Variants in MICU2 observed in about 807,000 individuals in gnomAD.
MICU2 encodes the protein calcium uptake protein 2, mitochondrial.
Under a neutral mutation model 60.4 loss-of-function variants are expected in MICU2, and 64 were observed. That is an observed-to-expected ratio of 1.06 (90% CI 0.87 to 1.31). The LOEUF is 1.31. MICU2 is among the 50% of genes most tolerant of loss of function. The pLI is 0.00. For synonymous variants in MICU2, 201 were observed against 175.0 expected (o/e 1.15, Z -1.17); for missense variants, 569 against 531.0 (o/e 1.07, Z -0.70).
chr13:21,549,218 C>T (rs1376361373), intron 2 of MICU2, among the ~76,000 whole-genome samples: 7 of 152,096 alleles, frequency 4.6e-5, no homozygotes, highest in African/African-American at 9.7e-5. Flanking sequence ...CGTGAGCTAG[C>T]GTGCCCAGCT....
chr13:21,587,484 G>GA (rs1461124009), intron 1 of MICU2, among the ~76,000 whole-genome samples: 1 of 152,152 alleles, frequency 6.6e-6, no homozygotes, highest in Non-Finnish European at 1.5e-5. Context: ...TGTTATTTGT[G>GA]AAAAAAGTGC....
At chr13:21,524,407 C>T (rs931842423) in intron 4 of MICU2, among the ~76,000 whole-genome samples, 3 of 151,998 alleles carry the variant, frequency 2.0e-5, no homozygotes, top group African/African-American at 7.2e-5. Flanking sequence ...GTAAAAAATT[C>T]AGCCTGTATA....
rs1461962308 is a variant in MICU2 at position 21,494,234 on chromosome 13, TTC to T, written c.1201-883_1201-882del. Among the ~76,000 whole-genome samples the T allele has an allele frequency of 2.6e-5, 4 of 152,218 alleles. No individual in the cohort carries two copies. The East Asian group carries it at 7.7e-4, about 29-fold the overall frequency. ...TTTGTTGCAGGAAATGGAATTGCTT[TTC>T]TAAGTTGTAAATAGCTTTATTTTCA... On this transcript the variant is annotated intron_variant, in intron 11 of 11. Transcript: ENST00000382374.
rs112775230 is a variant in MICU2 at position 21,571,094 on chromosome 13, T to C, written c.211-4150A>G. ...TTTCTCTTCCCTCTTAGGTTTCAGGTTGCTTTTTTTTTGTTGCTGCTATTT... is the reference window on the plus strand; with the variant it reads ...TTTCTCTTCCCTCTTAGGTTTCAGGCTGCTTTTTTTTTGTTGCTGCTATTT... On this transcript the variant is annotated intron_variant, in intron 1 of 11. Coordinates refer to ENST00000382374, the MANE Select transcript of MICU2 (RefSeq NM_152726.3). 7.9e-5 allele frequency among the ~76,000 whole-genome samples: 12 copies of C among 152,194 alleles called. 1 individual carries two copies. Among genetic ancestry groups the C allele is most frequent in the African/African-American group, 2.9e-4 (12 of 41,480 alleles).
intron 4 of MICU2, among the ~76,000 whole-genome samples, chr13:21,526,013 C>T (rs1046526525): frequency 1.2e-4 from 18 of 151,786 alleles, no homozygotes; most frequent in African/African-American, 3.6e-4. Flanking sequence ...TGGTTCACTG[C>T]AGCCTTGACC....
In MICU2 at chr13:21,603,467, A is replaced by G. The variant is rs145717692; in HGVS notation, c.210+472T>C. On this transcript the variant is annotated intron_variant, in intron 1 of 11. Transcript: ENST00000382374. ...GCAATCGACAGAACTTCATCATGCT[A>G]TACAAAGAAAAGATCGTAAAACTTA... The G allele has an allele frequency of 1.9e-4, 31 of 163,362 alleles. No homozygotes were observed. The East Asian group carries it at 5.4e-3, about 29-fold the overall frequency. 10.1% of individuals were successfully genotyped at this position (163,362 alleles called of 1,614,324 possible).
At chr13:21,548,855 G>A (rs994499131) in intron 2 of MICU2, among the ~76,000 whole-genome samples, 1 of 151,662 alleles carries the variant, frequency 6.6e-6, no homozygotes. Flanking sequence ...GGATTCTATC[G>A]CCGTATCTCA....
chr13:21,509,934 A>G, intron 8 of MICU2, 70 bp downstream of exon 8: 1 of 859,536 alleles, frequency 1.2e-6, no homozygotes, highest in Non-Finnish European at 1.8e-6. Flanking sequence ...CTAGAAAATG[A>G]ATATATTCTG....
At chr13:21,587,653 G>A (rs188606237) in intron 1 of MICU2, among the ~76,000 whole-genome samples, 8 of 152,298 alleles carry the variant, frequency 5.3e-5, no homozygotes, top group Admixed American at 2.0e-4. Flanking sequence ...TGCTGATTTC[G>A]AAGTGAATTT....
intron 1 of MICU2, among the ~76,000 whole-genome samples, chr13:21,596,429 CT>C (rs373445165): frequency 0.034 from 4,914 of 144,838 alleles, 264 homozygotes; most frequent in African/African-American, 0.11. Context: ...CATTCAGGTT[CT>C]TTTTTTTTTT....
intron 1 of MICU2, among the ~76,000 whole-genome samples, chr13:21,595,867 T>C (rs997768955): frequency 2.6e-5 from 4 of 152,274 alleles, no homozygotes; most frequent in African/African-American, 4.8e-5. Context: ...CTTCAGCCTA[T>C]AGGCAGTAGC....
chr13:21,508,378 C>G (rs1350086878), intron 8 of MICU2, among the ~76,000 whole-genome samples: 1 of 152,054 alleles, frequency 6.6e-6, no homozygotes, highest in Non-Finnish European at 1.5e-5. Flanking sequence ...ACCACCTCGG[C>G]CTTCCAAAGT....
intron 1 of MICU2, among the ~76,000 whole-genome samples, chr13:21,571,441 T>C (rs1255845908): frequency 2.6e-5 from 4 of 152,242 alleles, no homozygotes; most frequent in Non-Finnish European, 4.4e-5. Flanking sequence ...CTCACGCCTG[T>C]AATCCCAGCA....
intron 1 of MICU2, among the ~76,000 whole-genome samples, chr13:21,596,415 G>C (rs1888691450): frequency 6.8e-6 from 1 of 147,542 alleles, no homozygotes; most frequent in Admixed American, 6.8e-5. Context: ...GCCTAAGTCA[G>C]CCACATTCAG....
rs1209351042 is a variant in MICU2 at position 21,539,539 on chromosome 13, C to T, written c.390+118G>A. Reference sequence around the variant, plus strand: ...GATGGTGATCTCCTGACCTCGTGATCCGCCCACCTTGGCCTCCCAAAGTGC... The same window carrying T: ...GATGGTGATCTCCTGACCTCGTGATTCGCCCACCTTGGCCTCCCAAAGTGC... On this transcript the variant is annotated intron_variant, in intron 3 of 11. Transcript: ENST00000382374. 2.9e-6 allele frequency: 4 copies of T among 1,391,828 alleles called. No homozygotes were observed. The South Asian group carries it at 3.6e-5, about 13-fold the overall frequency. 86.2% of individuals were successfully genotyped at this position (1,391,828 alleles called of 1,614,324 possible). A position where few individuals can be genotyped will look rare whatever the true frequency, so the allele number is the denominator to read the frequency against.
intron 7 of MICU2, among the ~76,000 whole-genome samples, chr13:21,511,980 G>A (rs766697920): frequency 6.6e-6 from 1 of 152,172 alleles, no homozygotes; most frequent in Non-Finnish European, 1.5e-5. Context: ...TGGGCTGGAT[G>A]CTGCCCAACT....
chr13:21,506,650 T>C (rs1019616739), intron 8 of MICU2, among the ~76,000 whole-genome samples: 7 of 152,228 alleles, frequency 4.6e-5, no homozygotes, highest in African/African-American at 1.4e-4. Flanking sequence ...TTTCTTATTG[T>C]CACTAAAAAT....
At chr13:21,501,092 T>C (rs1886139689) in intron 9 of MICU2, among the ~76,000 whole-genome samples, 1 of 152,172 alleles carries the variant, frequency 6.6e-6, no homozygotes, top group South Asian at 2.1e-4. Flanking sequence ...CCTACTGCCA[T>C]TTATTAATAA....
At position 21,521,299 on chromosome 13, in the gene MICU2, A is replaced by G. The variant is rs772184949; in HGVS notation, c.543T>C (p.Phe181=). The G allele has an allele frequency of 9.9e-6, 16 of 1,610,680 alleles. No individual in the cohort carries two copies. Among genetic ancestry groups the G allele is most frequent in the Non-Finnish European group, 1.4e-5 (16 of 1,178,968 alleles). ...TKPHSGFHVA[F]KMLDTDGNEM... ...CATTACCATCTGTATCCAGCATTTTAAAAGCAACATGAAATCCAGAATGGG... is the reference window on the plus strand; with the variant it reads ...CATTACCATCTGTATCCAGCATTTTGAAAGCAACATGAAATCCAGAATGGG... Residue 181 remains phenylalanine (F), a synonymous_variant, in exon 6 of 12, where the codon TTT becomes TTC. Coordinates refer to ENST00000382374, the MANE Select transcript of MICU2 (RefSeq NM_152726.3).
Sources: allele counts gnomAD v4.1 joint callset (sites outside exome capture counted in the v4.1 genomes callset), GRCh38; gene constraint gnomAD v4.1.1; transcripts MANE v1.5; gene names NCBI Gene and HGNC (gene_info 2026-07-23, HGNC 2026-07-21).